The following NPSR1 variants were observed in gnomAD, a reference collection of about 807,000 sequenced individuals.
The protein encoded by NPSR1 is neuropeptide S receptor.
Under a neutral mutation model 46.9 loss-of-function variants are expected in NPSR1, and 48 were observed. The ratio of observed to expected loss-of-function variants is 1.02; its 90% confidence interval spans 0.81 to 1.30. NPSR1 has a LOEUF of 1.30. NPSR1 is among the 50% of genes most tolerant of loss of function. The pLI is 0.00. For missense variants in NPSR1, 450 were observed against 449.5 expected, an observed-to-expected ratio of 1.00 and a Z score of -0.01; for synonymous variants, 176 against 168.1, an observed-to-expected ratio of 1.05 and a Z score of -0.36.
chr7:34,841,694 A>T (rs1481810254), intron 6 of NPSR1, among the ~76,000 whole-genome samples: 2 of 152,204 alleles, frequency 1.3e-5, no homozygotes, highest in Non-Finnish European at 2.9e-5. Context: ...GATGCTTTTC[A>T]CTGATCTCTG....
intron 2 of NPSR1, among the ~76,000 whole-genome samples, chr7:34,755,913 C>T (rs1357842385): frequency 7.2e-5 from 11 of 152,170 alleles, no homozygotes; most frequent in Non-Finnish European, 5.9e-5. Context: ...TAGGTATTCT[C>T]ATTATGCCCA....
intron 2 of NPSR1, among the ~76,000 whole-genome samples, chr7:34,712,562 A>G (rs1783354812): frequency 6.6e-6 from 1 of 152,200 alleles, no homozygotes; most frequent in Admixed American, 6.5e-5. Flanking sequence ...ATTAAGAACC[A>G]CTATTCTAAG....
intron 2 of NPSR1, among the ~76,000 whole-genome samples, chr7:34,717,934 C>T (rs1375088265): frequency 6.6e-6 from 1 of 152,168 alleles, no homozygotes; most frequent in Non-Finnish European, 1.5e-5. Context: ...AGGAAAAATG[C>T]CACTGTGACC....
At chr7:34,821,128 T>TC (rs1789537158) in intron 4 of NPSR1, among the ~76,000 whole-genome samples, 1 of 66,354 alleles carries the variant, frequency 1.5e-5, no homozygotes, top group Non-Finnish European at 3.3e-5. Context: ...TGTGATACAC[T>TC]TTTTTTTTTT....
chr7:34,782,703 C>T (rs1326671869), intron 3 of NPSR1, among the ~76,000 whole-genome samples: 3 of 151,950 alleles, frequency 2.0e-5, no homozygotes, highest in Non-Finnish European at 4.4e-5. Context: ...CAAACGCACA[C>T]ACATCAACAT....
At chr7:34,853,520 G>A (rs967347293), downstream of NPSR1, among the ~76,000 whole-genome samples, 46 of 152,262 alleles carry the variant, frequency 3.0e-4, no homozygotes, top group East Asian at 1.9e-4. Context: ...TACATTATCC[G>A]CAACAGGCTG....
At chr7:34,725,732 A>G (rs1354309786) in intron 2 of NPSR1, among the ~76,000 whole-genome samples, 1 of 152,212 alleles carries the variant, frequency 6.6e-6, no homozygotes, top group Non-Finnish European at 1.5e-5. Context: ...GGGAGAAAAT[A>G]TTGGCAAAAG....
At chr7:34,864,820 A>C (rs1365590485) in intron 8 of NPSR1, among the ~76,000 whole-genome samples, 2 of 151,956 alleles carry the variant, frequency 1.3e-5, no homozygotes, top group Non-Finnish European at 2.9e-5. Flanking sequence ...AAGCCTGCTA[A>C]CAATGAACTC....
intron 3 of NPSR1, among the ~76,000 whole-genome samples, chr7:34,790,903 GTTATA>G (rs1205898254): frequency 4.6e-5 from 6 of 129,628 alleles, no homozygotes; most frequent in Non-Finnish European, 9.3e-5. Context: ...TATGTTATAT[GTTATA>G]TTATATATCA....
intron 3 of NPSR1, among the ~76,000 whole-genome samples, chr7:34,789,256 A>AGGGT (rs1328784457): frequency 1.3e-5 from 2 of 151,998 alleles, no homozygotes; most frequent in African/African-American, 4.8e-5. Flanking sequence ...AAGAAGAGTC[A>AGGGT]GGGTTTCCCT....
intron 3 of NPSR1, among the ~76,000 whole-genome samples, chr7:34,790,108 T>A (rs1787660273): frequency 6.6e-6 from 1 of 152,026 alleles, no homozygotes; most frequent in African/African-American, 2.4e-5. Context: ...TGAACATAGG[T>A]TTAAAAATCC....
At chr7:34,762,924 T>C (rs562344010) in intron 2 of NPSR1, among the ~76,000 whole-genome samples, 9 of 152,208 alleles carry the variant, frequency 5.9e-5, no homozygotes, top group Non-Finnish European at 1.0e-4. Context: ...ATTCTATGGC[T>C]CTGCTATGCA....
intron 4 of NPSR1, among the ~76,000 whole-genome samples, chr7:34,824,509 G>A (rs555556411): frequency 2.6e-5 from 4 of 152,286 alleles, no homozygotes; most frequent in East Asian, 1.9e-4. Context: ...TGGCAGCTGC[G>A]TCACAGCCTA....
At chr7:34,824,279 T>A (rs1024423832) in intron 4 of NPSR1, among the ~76,000 whole-genome samples, 1 of 152,160 alleles carries the variant, frequency 6.6e-6, no homozygotes, top group Non-Finnish European at 1.5e-5. Flanking sequence ...GTAAATGAGT[T>A]ACATGGAAAA....
chr7:34,819,059 A>G (rs1359590277), intron 4 of NPSR1, among the ~76,000 whole-genome samples: 1 of 152,224 alleles, frequency 6.6e-6, no homozygotes, highest in Non-Finnish European at 1.5e-5. Flanking sequence ...AAAAGCCAAA[A>G]TTGACAAATG....
At chr7:34,680,567 G>A (rs1583794122) in intron 1 of NPSR1, among the ~76,000 whole-genome samples, 3 of 151,998 alleles carry the variant, frequency 2.0e-5, no homozygotes, top group Non-Finnish European at 2.9e-5. Flanking sequence ...AAAAAAGTAC[G>A]GTACCCTATA....
At chr7:34,782,902 C>T (rs1309535488) in intron 3 of NPSR1, among the ~76,000 whole-genome samples, 1 of 151,868 alleles carries the variant, frequency 6.6e-6, no homozygotes, top group Admixed American at 6.6e-5. Flanking sequence ...TAAAACAGTA[C>T]AACCAAAACA....
intron 8 of NPSR1, among the ~76,000 whole-genome samples, chr7:34,877,074 G>C (rs1392298017): frequency 1.3e-5 from 2 of 152,174 alleles, no homozygotes; most frequent in South Asian, 4.1e-4. Context: ...TGGGAAGTTA[G>C]AAGGTCTACA....
chr7:34,752,882 G>A (rs1785611738), intron 2 of NPSR1, among the ~76,000 whole-genome samples: 2 of 152,144 alleles, frequency 1.3e-5, no homozygotes, highest in Admixed American at 6.5e-5. Flanking sequence ...ACTCTGTGAA[G>A]CCTGCCTAGT....
Sources: gnomAD v4.1 joint callset for allele counts (sites outside exome capture counted in the v4.1 genomes callset) on GRCh38, gnomAD v4.1.1 for gene constraint, MANE v1.5 for transcripts, NCBI Gene and HGNC (gene_info 2026-07-23, HGNC 2026-07-21) for gene names.